The following TMEM135 variants were observed in gnomAD, a reference collection of about 807,000 sequenced individuals.
TMEM135 encodes the protein peroxisomal membrane protein 52.
TMEM135 carries 30 observed loss-of-function variants against 60.3 expected under a neutral mutation model. That is an observed-to-expected ratio of 0.50 (90% CI 0.37 to 0.68). The LOEUF (loss-of-function observed/expected upper bound fraction) is 0.68, where lower values mean the gene tolerates loss of function less well. TMEM135 is among the 30% of genes least tolerant of loss of function. TMEM135 has a pLI of 0.00. For synonymous variants in TMEM135, 190 were observed against 186.7 expected (o/e 1.02, Z -0.14); for missense variants, 468 against 548.8 (o/e 0.85, Z 1.47).
intron 1 of TMEM135, among the ~76,000 whole-genome samples, chr11:87,053,224 A>T (rs1381427131): frequency 6.6e-6 from 1 of 151,510 alleles, no homozygotes; most frequent in African/African-American, 2.4e-5. Context: ...TTTATGGAAT[A>T]CATAAAAGGT....
intron 5 of TMEM135, among the ~76,000 whole-genome samples, chr11:87,169,946 A>T (rs1477102984): frequency 2.0e-5 from 3 of 151,960 alleles, no homozygotes; most frequent in African/African-American, 4.8e-5. Flanking sequence ...CCAATCAAAC[A>T]TAGGTTTGGT....
intron 5 of TMEM135, among the ~76,000 whole-genome samples, chr11:87,220,541 A>G (rs1345695991): frequency 2.0e-5 from 3 of 152,192 alleles, no homozygotes; most frequent in African/African-American, 7.2e-5. Flanking sequence ...CTGGCATGAC[A>G]ATATGGAGTT....
intron 6 of TMEM135, among the ~76,000 whole-genome samples, chr11:87,251,029 C>T (rs470751): frequency 0.66 from 100,138 of 151,882 alleles, 33,586 homozygotes; most frequent in Non-Finnish European, 0.71. Context: ...AGATGAAAAA[C>T]GCTGGAAGGT....
intron 8 of TMEM135, 69 bp from the exon 9 acceptor site, chr11:87,305,867 A>C (rs1942533638): frequency 8.9e-7 from 1 of 1,126,866 alleles, no homozygotes; most frequent in South Asian, 1.7e-5. Context: ...AGATCCACAA[A>C]CATGTACAAA....
intron 4 of TMEM135, among the ~76,000 whole-genome samples, chr11:87,117,143 G>A (rs1857909393): frequency 6.6e-6 from 1 of 152,050 alleles, no homozygotes; most frequent in South Asian, 2.1e-4. Context: ...TTAAAACAAA[G>A]TACACACATT....
chr11:87,321,620 A>G lies in TMEM135; in HGVS notation c.*287A>G, dbSNP rs1163452490. ...GTCCACAAGCAATATTATATAATCT[A>G]CGTAGAAGTGTAATAACAAACAAGA... On this transcript the variant is annotated 3_prime_UTR_variant, in exon 15 of 15. Coordinates refer to ENST00000305494, the MANE Select transcript of TMEM135 (RefSeq NM_022918.4). 2 of 565,218 alleles carry G rather than the reference A, an allele frequency of 3.5e-6. No homozygotes were observed. The highest frequency in any genetic ancestry group is 6.6e-6 in the Non-Finnish European group (2 of 301,416). 35.0% of individuals were successfully genotyped at this position (565,218 alleles called of 1,614,324 possible).
At chr11:87,314,935 C>G (rs1288136832) in intron 12 of TMEM135, among the ~76,000 whole-genome samples, 1 of 151,722 alleles carries the variant, frequency 6.6e-6, no homozygotes, top group Non-Finnish European at 1.5e-5. Context: ...AAGGCTTTTT[C>G]AAAACAAACA....
At chr11:87,298,976 G>A (rs577748667) in intron 7 of TMEM135, among the ~76,000 whole-genome samples, 1 of 151,152 alleles carries the variant, frequency 6.6e-6, no homozygotes, top group African/African-American at 2.4e-5. Context: ...TAATCCCAGC[G>A]ACTTGAGAGG....
At chr11:87,128,850 G>A (rs1937813795) in intron 4 of TMEM135, among the ~76,000 whole-genome samples, 1 of 152,074 alleles carries the variant, frequency 6.6e-6, no homozygotes, top group South Asian at 2.1e-4. Flanking sequence ...CAACTCGAGG[G>A]TCCCTTAGTA....
chr11:87,326,911 C>CTTTTTTTTTTTTTTT lies in TMEM135; in HGVS notation c.*5583_*5597dup. The CTTTTTTTTTTTTTTT allele has an allele frequency of 2.6e-6, 1 of 391,614 alleles. No individual in the cohort carries two copies. Among genetic ancestry groups the CTTTTTTTTTTTTTTT allele is most frequent in the Non-Finnish European group, 4.8e-6 (1 of 207,622 alleles). 24.3% of individuals were successfully genotyped at this position (391,614 alleles called of 1,614,324 possible). A position where few individuals can be genotyped will look rare whatever the true frequency, so the allele number is the denominator to read the frequency against. On this transcript the variant is annotated 3_prime_UTR_variant, in exon 15 of 15. Transcript: ENST00000305494. The stretch of plus-strand genomic sequence containing the variant: ...AGGCATCATTGAATCATCTGAGGAC[C>CTTTTTTTTTTTTTTT]TTTTTTTTTTTTTTTTTTTCACTAA...
intron 6 of TMEM135, among the ~76,000 whole-genome samples, chr11:87,262,858 A>G (rs972363575): frequency 2.6e-5 from 4 of 152,188 alleles, no homozygotes; most frequent in African/African-American, 4.8e-5. Flanking sequence ...ACATGTATAC[A>G]TTAAGTACTT....
At position 87,328,746 on chromosome 11, in the gene TMEM135, G is replaced by T. The variant is rs774407492; in HGVS notation, c.*7413G>T. The T allele has an allele frequency of 1.8e-5, 8 of 453,874 alleles. No individual in the cohort carries two copies. The highest frequency in any genetic ancestry group is 3.5e-5 in the Non-Finnish European group (8 of 226,770). 28.1% of individuals were successfully genotyped at this position (453,874 alleles called of 1,614,324 possible). On this transcript the variant is annotated 3_prime_UTR_variant, in exon 15 of 15. Transcript: ENST00000305494. ...ACCACATTTTCTTTATCCACTCATT[G>T]GTCTATGGGCACTTTGGTTGATTCT...
chr11:87,160,270 G>A (rs1565466683), intron 5 of TMEM135, among the ~76,000 whole-genome samples: 1 of 152,168 alleles, frequency 6.6e-6, no homozygotes, highest in Non-Finnish European at 1.5e-5. Context: ...TTTGAAATGG[G>A]AGAAGATTTT....
At chr11:87,140,032 TA>T (rs1185016712) in intron 4 of TMEM135, among the ~76,000 whole-genome samples, 1 of 152,088 alleles carries the variant, frequency 6.6e-6, no homozygotes. Context: ...TATTTGCAGA[TA>T]TTTTTTCAGA....
In TMEM135 at chr11:87,216,110, G is replaced by A. The variant is rs563687901; in HGVS notation, c.463-20528G>A. Among the ~76,000 whole-genome samples, 3 of 152,288 alleles carry A rather than the reference G, an allele frequency of 2.0e-5. No individual in the cohort carries two copies. The South Asian group carries it at 6.2e-4, about 32-fold the overall frequency. On this transcript the variant is annotated intron_variant, in intron 5 of 14. Transcript: ENST00000305494. ...ATTAAACTTTATCACAGGTATGTATGTATAGGAAGAAACATAGTGTATATA... is the reference window on the plus strand; with the variant it reads ...ATTAAACTTTATCACAGGTATGTATATATAGGAAGAAACATAGTGTATATA...
At chr11:87,247,781 G>A (rs1317619570) in intron 6 of TMEM135, among the ~76,000 whole-genome samples, 2 of 152,140 alleles carry the variant, frequency 1.3e-5, no homozygotes, top group African/African-American at 2.4e-5. Flanking sequence ...GACTAGGAAA[G>A]GGAACTCCCT....
intron 4 of TMEM135, among the ~76,000 whole-genome samples, chr11:87,128,848 G>C (rs1188595101): frequency 9.9e-5 from 15 of 152,066 alleles, no homozygotes; most frequent in Admixed American, 9.8e-4. Context: ...TTCAACTCGA[G>C]GGTCCCTTAG....
intron 5 of TMEM135, among the ~76,000 whole-genome samples, chr11:87,174,630 A>G (rs1179605382): frequency 1.3e-5 from 2 of 152,112 alleles, no homozygotes; most frequent in African/African-American, 4.8e-5. Flanking sequence ...GGAAAGAGAT[A>G]TGATATGGCC....
intron 3 of TMEM135, among the ~76,000 whole-genome samples, chr11:87,089,335 A>G: frequency 6.6e-6 from 1 of 152,164 alleles, no homozygotes; most frequent in East Asian, 1.9e-4. Context: ...AGAAACTTGA[A>G]CCAGCTTGGA....
Sources: gnomAD v4.1 joint callset for allele counts (sites outside exome capture counted in the v4.1 genomes callset) on GRCh38, gnomAD v4.1.1 for gene constraint, MANE v1.5 for transcripts, NCBI Gene and HGNC (gene_info 2026-07-23, HGNC 2026-07-21) for gene names.